ARHGAP29: variants seen among roughly 807,000 people sequenced by gnomAD.
ARHGAP29 encodes rho GTPase-activating protein 29.
ARHGAP29 carries 43 observed loss-of-function variants against 122.6 expected under a neutral mutation model. That is an observed-to-expected ratio of 0.35 (90% CI 0.27 to 0.45). ARHGAP29 has a LOEUF of 0.45. Among genes scored for constraint, ARHGAP29 ranks in the 20% least tolerant of loss-of-function variants. ARHGAP29 has a pLI of 1.00. For synonymous variants in ARHGAP29, 506 were observed against 497.1 expected, an observed-to-expected ratio of 1.02 and a Z score of -0.24; for missense variants, 1,303 against 1,477.2, an observed-to-expected ratio of 0.88 and a Z score of 1.93.
chr1:94,174,445 A>C lies in ARHGAP29; in HGVS notation c.3210T>G (p.Asn1070Lys). Residue 1070 changes from asparagine to lysine, a missense_variant, in exon 23 of 23, where the codon AAT (asparagine) becomes AAG (lysine). Physicochemically the swap from Asn to Lys is moderately conservative, Grantham distance 94. Coordinates refer to ENST00000260526, the MANE Select transcript of ARHGAP29 (RefSeq NM_004815.4). ...DAATTVCSKF[N>K]GFDQQTLQKI... is the part of the protein sequence containing the mutation. ...TCTGTAGAGTTTGCTGGTCAAAGCC[A>C]TTAAATTTGGAACAAACAGTAGTAG... The C allele has an allele frequency of 6.2e-7, 1 of 1,614,228 alleles. No individual in the cohort carries two copies. The highest frequency in any genetic ancestry group is 8.5e-7 in the Non-Finnish European group (1 of 1,180,040).
At chr1:94,286,827 C>A in the ARHGAP29 span, among the ~76,000 whole-genome samples, 3 of 152,118 alleles carry the variant, frequency 2.0e-5, no homozygotes, top group African/African-American at 7.2e-5. Flanking sequence ...GTACCAGTGA[C>A]TGGGAAAGTG....
At chr1:94,184,778 C>A (rs917030121) in intron 18 of ARHGAP29, 94 bp downstream of exon 18, 51 of 1,068,162 alleles carry the variant, frequency 4.8e-5, no homozygotes, top group East Asian at 4.0e-4. Context: ...ACAAAAAAAA[C>A]CCCTGAGCAT....
In ARHGAP29 at chr1:94,189,958, G is replaced by A; in HGVS notation, c.1407C>T (p.Ala469=). The stretch of plus-strand genomic sequence containing the variant: ...CTTTTTCTTCTTCAGTTGAATTTGT[G>A]GCCTTGACAAATTCACTGTACTCTT... ...PGQEYSEFVK[A]TNSTEEEKVD... The change falls in exon 13 of 23, where the codon GCC becomes GCT. Residue 469 remains alanine (A), a synonymous_variant. Coordinates refer to ENST00000260526, the MANE Select transcript of ARHGAP29 (RefSeq NM_004815.4). 1 of 1,613,158 alleles carries A rather than the reference G, an allele frequency of 6.2e-7. No individual in the cohort carries two copies. The highest frequency in any genetic ancestry group is 8.5e-7 in the Non-Finnish European group (1 of 1,179,500).
At chr1:94,287,141 C>T in the ARHGAP29 span, among the ~76,000 whole-genome samples, 1 of 152,054 alleles carries the variant, frequency 6.6e-6, no homozygotes, top group South Asian at 2.1e-4. Context: ...GGAGTGGCTC[C>T]CAGAACTCAA....
chr1:94,270,598 C>T (rs1365795835), intron 1 of ARHGAP29, among the ~76,000 whole-genome samples: 1 of 152,190 alleles, frequency 6.6e-6, no homozygotes, highest in Non-Finnish European at 1.5e-5. Context: ...GACCCAGGAC[C>T]TCATGACCAC....
At position 94,189,195 on chromosome 1, in the gene ARHGAP29, CTCTT is replaced by C. The variant is rs752099099; in HGVS notation, c.1576+17_1576+20del. 6.3e-7 allele frequency: 1 copy of C among 1,585,552 alleles called. No individual in the cohort carries two copies. The highest frequency in any genetic ancestry group is 8.5e-7 in the Non-Finnish European group (1 of 1,170,372). Reference sequence around the variant, plus strand: ...ACCTGACCTTTTATAAATTAGCACTCTCTTTAGGGTGGAAAACTACCTGTTATAT... The same window carrying C: ...ACCTGACCTTTTATAAATTAGCACTCTAGGGTGGAAAACTACCTGTTATAT... On this transcript the variant is annotated intron_variant, in intron 14 of 22. Transcript: ENST00000260526.
chr1:94,276,240 C>T (rs1051910516), upstream of ARHGAP29, among the ~76,000 whole-genome samples: 1 of 151,082 alleles, frequency 6.6e-6, no homozygotes, highest in African/African-American at 2.4e-5. Context: ...CCTGAGTGAC[C>T]GAGCGAGACT....
chr1:94,252,977 AT>A (rs527695874), intron 1 of ARHGAP29, among the ~76,000 whole-genome samples: 35 of 147,072 alleles, frequency 2.4e-4, no homozygotes, highest in Admixed American at 2.7e-4. Flanking sequence ...ATTCTCCTTT[AT>A]TTTTTTTTTT....
the ARHGAP29 span, among the ~76,000 whole-genome samples, chr1:94,306,545 T>C: frequency 6.6e-6 from 1 of 152,230 alleles, no homozygotes; most frequent in Non-Finnish European, 1.5e-5. Flanking sequence ...TCTTTAAAGA[T>C]GGCAGCATTT....
At chr1:94,268,854 A>G (rs774949933) in intron 1 of ARHGAP29, among the ~76,000 whole-genome samples, 3 of 152,166 alleles carry the variant, frequency 2.0e-5, no homozygotes, top group Non-Finnish European at 4.4e-5. Flanking sequence ...TCCCTGAGCC[A>G]TTAACCTCTA....
intron 20 of ARHGAP29, 67 bp downstream of exon 20, chr1:94,179,658 C>A: frequency 7.2e-6 from 7 of 969,578 alleles, no homozygotes; most frequent in South Asian, 5.5e-5. Context: ...TGGATTTTAC[C>A]ACAATTAAAA....
chr1:94,251,412 T>TA (rs1397124033), intron 1 of ARHGAP29, among the ~76,000 whole-genome samples: 1 of 152,102 alleles, frequency 6.6e-6, no homozygotes. Flanking sequence ...GTGCTGGGAT[T>TA]ACAGGCGTGA....
chr1:94,203,227 A>G lies in ARHGAP29; in HGVS notation c.763-17T>C, dbSNP rs1650977289. 1 of 1,552,636 alleles carries G rather than the reference A, an allele frequency of 6.4e-7. No individual in the cohort carries two copies. The highest frequency in any genetic ancestry group is 1.4e-5 in the African/African-American group (1 of 72,588). On this transcript the variant is annotated splice_polypyrimidine_tract_variant and intron_variant, in intron 8 of 22. Transcript: ENST00000260526. The stretch of plus-strand genomic sequence containing the variant: ...CATGAACTCCTAAAATTTAAAATTG[A>G]AAAGTAAATTTTACAATAGAAATGG...
Position 94,177,627 on chromosome 1 carries a change from C to A in ARHGAP29, c.2890G>T (p.Asp964Tyr). The change falls in exon 22 of 23, where the codon GAT (aspartate) becomes TAT (tyrosine). Residue 964 changes from aspartate (D) to tyrosine (Y), a missense_variant. Physicochemically the swap from Asp to Tyr is radical, Grantham distance 160 (BLOSUM62 -3). This residue lies in a region of ARHGAP29 where 620 missense variants were observed against 651.2 expected (regional missense o/e 0.95). Coordinates refer to ENST00000260526, the MANE Select transcript of ARHGAP29 (RefSeq NM_004815.4). Reference sequence around the variant, plus strand: ...GGCTACTCACCACTGAGACATGCATCACATTTTCCTAACGCATTTTGCTTG... The same window carrying A: ...GGCTACTCACCACTGAGACATGCATAACATTTTCCTAACGCATTTTGCTTG... ...ERKQNALGKC[D>Y]ACLSDKAQLL... is the part of the protein sequence containing the mutation. 6.2e-7 allele frequency: 1 copy of A among 1,610,654 alleles called. No individual in the cohort carries two copies. The highest frequency in any genetic ancestry group is 8.5e-7 in the Non-Finnish European group (1 of 1,178,894).
At chr1:94,205,425 C>T (rs957369925) in intron 6 of ARHGAP29, among the ~76,000 whole-genome samples, 20 of 152,192 alleles carry the variant, frequency 1.3e-4, no homozygotes, top group African/African-American at 3.6e-4. Flanking sequence ...AAGTTAAAAG[C>T]TTTACACAAT....
At chr1:94,177,199 A>C (rs111407189) in intron 22 of ARHGAP29, 1 of 153,938 alleles carries the variant, frequency 6.5e-6, no homozygotes, top group Non-Finnish European at 1.4e-5. Context: ...AAAAAGTAGG[A>C]CTCTAAAGTT....
intron 3 of ARHGAP29, among the ~76,000 whole-genome samples, chr1:94,212,226 C>T (rs1206671344): frequency 6.6e-6 from 1 of 151,992 alleles, no homozygotes; most frequent in South Asian, 2.1e-4. Flanking sequence ...CCACTGCACA[C>T]TAGCCTGGGT....
chr1:94,247,603 C>T (rs985077972), intron 1 of ARHGAP29, among the ~76,000 whole-genome samples: 76 of 151,654 alleles, frequency 5.0e-4, no homozygotes, highest in Non-Finnish European at 1.1e-3. Context: ...CGGACGGCCG[C>T]CCCACACCTA....
chr1:94,272,095 A>G lies in ARHGAP29; in HGVS notation c.-33+2917T>C, dbSNP rs542136235. ...AGGTCACAGACAGCAGTCCTGGTAT[A>G]GGAAGGCTATGAACACCAACAGCTC... On this transcript the variant is annotated intron_variant and NMD_transcript_variant, in intron 1 of 25. Transcript: ENST00000552844. Among the ~76,000 whole-genome samples the G allele has an allele frequency of 6.6e-5, 10 of 152,332 alleles. No homozygotes were observed. The South Asian group carries it at 2.1e-3, about 32-fold the overall frequency.
Sources: allele counts gnomAD v4.1 joint callset (sites outside exome capture counted in the v4.1 genomes callset), GRCh38; gene constraint gnomAD v4.1.1; regional missense constraint gnomAD v4.1.1; transcripts MANE v1.5; gene names NCBI Gene and HGNC (gene_info 2026-07-23, HGNC 2026-07-21).